The following IP6K3 variants were observed in gnomAD, a reference collection of about 807,000 sequenced individuals.
The protein encoded by IP6K3 is ATP:1D-myo-inositol-hexakisphosphate phosphotransferase.
IP6K3 carries 20 observed loss-of-function variants against 28.8 expected under a neutral mutation model. That is an observed-to-expected ratio of 0.70 (90% CI 0.49 to 1.01). The LOEUF (loss-of-function observed/expected upper bound fraction) is 1.01. Among genes scored for constraint, IP6K3 ranks in the 50% least tolerant of loss-of-function variants. The pLI, the probability that IP6K3 is intolerant of heterozygous loss-of-function variation, is 0.00. For missense variants in IP6K3, 480 were observed against 537.1 expected (o/e 0.89, Z 1.05); for synonymous variants, 213 against 221.3 (o/e 0.96, Z 0.33).
the IP6K3 span, among the ~76,000 whole-genome samples, chr6:33,756,878 C>T: frequency 6.6e-6 from 1 of 152,232 alleles, no homozygotes; most frequent in African/African-American, 2.4e-5. Flanking sequence ...GCAACACCGT[C>T]TTGGTCTGCA....
chr6:33,734,301 G>A (rs1272099766), intron 2 of IP6K3, among the ~76,000 whole-genome samples: 1 of 151,948 alleles, frequency 6.6e-6, no homozygotes, highest in African/African-American at 2.4e-5. Flanking sequence ...GGGGACCTGT[G>A]CGCCTTTGTG....
intron 1 of IP6K3, among the ~76,000 whole-genome samples, chr6:33,736,606 A>G (rs1216867415): frequency 6.6e-6 from 1 of 152,062 alleles, no homozygotes; most frequent in Admixed American, 6.5e-5. Flanking sequence ...GGGTTTCGCC[A>G]TGTTGGCCAG....
At chr6:33,759,453 C>T in the IP6K3 span, among the ~76,000 whole-genome samples, 2 of 152,196 alleles carry the variant, frequency 1.3e-5, no homozygotes, top group Non-Finnish European at 2.9e-5. Flanking sequence ...TGGTCTCAAA[C>T]TCCTGAGCTC....
chr6:33,727,788 T>C (rs1457003175), intron 3 of IP6K3: 1 of 972,054 alleles, frequency 1.0e-6, no homozygotes, highest in African/African-American at 1.8e-5. Context: ...CACTTCATGG[T>C]CTCAGTGAAA....
At chr6:33,729,720 C>CT (rs1342716817) in intron 2 of IP6K3, among the ~76,000 whole-genome samples, 109 of 147,078 alleles carry the variant, frequency 7.4e-4, no homozygotes, top group East Asian at 3.0e-3. Flanking sequence ...TTCTTTCTTT[C>CT]TTTTTTTTTT....
At chr6:33,762,071 G>A in the IP6K3 span, among the ~76,000 whole-genome samples, 3 of 152,206 alleles carry the variant, frequency 2.0e-5, no homozygotes, top group Non-Finnish European at 4.4e-5. Flanking sequence ...TGAACCCAGA[G>A]CTCTGTCTCC....
intron 1 of IP6K3, among the ~76,000 whole-genome samples, chr6:33,736,173 T>G (rs992470170): frequency 4.6e-5 from 7 of 152,180 alleles, no homozygotes; most frequent in Non-Finnish European, 1.0e-4. Context: ...CCAGAGACTT[T>G]AAATAATGTT....
chr6:33,722,547 A>T lies in IP6K3; in HGVS notation c.*173T>A, dbSNP rs1450637047. On this transcript the variant is annotated 3_prime_UTR_variant, in exon 6 of 6. Transcript: ENST00000293756. ...TGCCAGGGGATGTGGAATCACCTCC[A>T]GAGCTGATTTGTTCAGCAGCTGTTA... 3.6e-6 allele frequency: 2 copies of T among 548,132 alleles called. No individual in the cohort carries two copies. The highest frequency in any genetic ancestry group is 3.8e-5 in the African/African-American group (2 of 53,078). 34.0% of individuals were successfully genotyped at this position (548,132 alleles called of 1,614,324 possible).
intron 5 of IP6K3, among the ~76,000 whole-genome samples, chr6:33,723,882 AG>A (rs1766002211): frequency 6.6e-6 from 1 of 152,182 alleles, no homozygotes; most frequent in Non-Finnish European, 1.5e-5. Flanking sequence ...GGCCACCAGA[AG>A]GGAGCAGATG....
intron 5 of IP6K3, 95 bp from the exon 6 acceptor site, chr6:33,723,282 G>A: frequency 1.2e-6 from 1 of 817,378 alleles, no homozygotes. Context: ...GATAATATAT[G>A]AACAGATTTT....
intron 4 of IP6K3, 56 bp from the exon 5 acceptor site, chr6:33,725,672 G>C: frequency 6.5e-7 from 1 of 1,534,608 alleles, no homozygotes; most frequent in Non-Finnish European, 8.9e-7. Flanking sequence ...TGCTCCGCCA[G>C]AGGTCGTTTG....
upstream of IP6K3, among the ~76,000 whole-genome samples, chr6:33,751,231 G>A (rs1194877791): frequency 6.6e-6 from 1 of 152,166 alleles, no homozygotes; most frequent in Non-Finnish European, 1.5e-5. This position sits in a 1 kb window ranked among gnomAD's most constrained non-coding sequence, Gnocchi z 4.3. Context: ...GGAGCTTCCA[G>A]CCTGGGTGTT....
chr6:33,731,263 G>A (rs1766313241), intron 2 of IP6K3, among the ~76,000 whole-genome samples: 1 of 152,022 alleles, frequency 6.6e-6, no homozygotes, highest in Non-Finnish European at 1.5e-5. Flanking sequence ...CACTCCCCTG[G>A]CCCTGCCACA....
chr6:33,740,562 G>A (rs1226944702), intron 1 of IP6K3, among the ~76,000 whole-genome samples: 5 of 152,214 alleles, frequency 3.3e-5, no homozygotes, highest in South Asian at 2.1e-4. Context: ...CAGCAGGGCC[G>A]TGAGTGGGTT....
At chr6:33,761,666 G>T in the IP6K3 span, among the ~76,000 whole-genome samples, 1 of 152,112 alleles carries the variant, frequency 6.6e-6, no homozygotes. Context: ...TCTCCAGAGT[G>T]GGGGACAGTT....
At chr6:33,751,518 GTT>G (rs1554146739), upstream of IP6K3, among the ~76,000 whole-genome samples, 15,703 of 82,130 alleles carry the variant, frequency 0.19, 881 homozygotes, top group Non-Finnish European at 0.23. The surrounding 1 kb of genome is among the most constrained non-coding windows in gnomAD (Gnocchi z 4.3). Context: ...GTGTGTGTGT[GTT>G]TGGCCCCGGG....
the IP6K3 span, among the ~76,000 whole-genome samples, chr6:33,755,941 T>C: frequency 6.6e-6 from 1 of 152,266 alleles, no homozygotes; most frequent in East Asian, 1.9e-4. Flanking sequence ...CTCAGCTCAC[T>C]GCAACCTCCA....
intron 1 of IP6K3, chr6:33,739,337 A>T (rs1476646382): frequency 2.0e-5 from 3 of 151,474 alleles, no homozygotes; most frequent in South Asian, 2.1e-4. Context: ...TCAGCCTAGG[A>T]TGTAGATTAG....
At position 33,744,091 on chromosome 6, in the gene IP6K3, G is replaced by C. The variant is rs1272784244; in HGVS notation, c.-180+2667C>G. 2.0e-5 allele frequency among the ~76,000 whole-genome samples: 3 copies of C among 152,146 alleles called. No homozygotes were observed. The highest frequency in any genetic ancestry group is 4.8e-5 in the African/African-American group (2 of 41,434). ...AAGGGCTGCTCTGGGGGAGGCAGAG[G>C]CTGCGAGGGCTTCTCCCTCTTGGCC... is the stretch of plus-strand genomic sequence containing the variant. On this transcript the variant is annotated intron_variant, in intron 1 of 5. Transcript: ENST00000293756. The surrounding 1 kb of genome is among the most constrained non-coding windows in gnomAD (Gnocchi z 4.4).
Sources: gnomAD v4.1 joint callset for allele counts (sites outside exome capture counted in the v4.1 genomes callset) on GRCh38, gnomAD v4.1.1 for gene constraint, Gnocchi (gnomAD v3.1) non-coding constraint, MANE v1.5 for transcripts, NCBI Gene and HGNC (gene_info 2026-07-23, HGNC 2026-07-21) for gene names.